The following TTC28 variants were observed in gnomAD, a reference collection of about 807,000 sequenced individuals.
TTC28 encodes the protein tetratricopeptide repeat domain 28.
TTC28 carries 61 observed loss-of-function variants against 198.0 expected under a neutral mutation model. The observed-to-expected ratio is 0.31, with a 90% CI of 0.25 to 0.38. The LOEUF is 0.38. Ranked by LOEUF, TTC28 falls within the 10% of genes least tolerant of loss-of-function variation. The pLI, the probability that TTC28 is intolerant of heterozygous loss-of-function variation, is 1.00. For missense variants in TTC28, 2,678 were observed against 3,164.0 expected (o/e 0.85, Z 3.69); for synonymous variants, 1,171 against 1,297.8 (o/e 0.90, Z 2.10).
chr22:28,634,614 C>A (rs1366584681), intron 1 of TTC28, among the ~76,000 whole-genome samples: 3 of 143,672 alleles, frequency 2.1e-5, no homozygotes, highest in Non-Finnish European at 3.0e-5. Flanking sequence ...GAGATGGAGT[C>A]TCACTCTGTT....
At chr22:28,641,578 T>C (rs1412887303) in intron 1 of TTC28, among the ~76,000 whole-genome samples, 1 of 152,160 alleles carries the variant, frequency 6.6e-6, no homozygotes, top group East Asian at 1.9e-4. Context: ...TGTTCTAGAA[T>C]TAGATAGTGG....
At chr22:28,033,595 A>G (rs529529672) in intron 12 of TTC28, among the ~76,000 whole-genome samples, 47 of 152,236 alleles carry the variant, frequency 3.1e-4, no homozygotes, top group Non-Finnish European at 5.0e-4. Context: ...TTTTACTCCA[A>G]TCTCTACTAG....
intron 17 of TTC28, chr22:27,994,394 ATGAGGCACATGTGCCCTC>A (rs1937512762): frequency 6.6e-6 from 1 of 150,770 alleles, no homozygotes; most frequent in Non-Finnish European, 1.5e-5. Context: ...TGGGTGCCCT[ATGAGGCACATGTGCCCTC>A]ACCGGAGGGG....
chr22:28,450,770 T>C (rs1034885045), intron 2 of TTC28, among the ~76,000 whole-genome samples: 3 of 152,196 alleles, frequency 2.0e-5, no homozygotes, highest in African/African-American at 7.2e-5. Flanking sequence ...CTAGGCTTAC[T>C]TTCCTAACAT....
intron 6 of TTC28, among the ~76,000 whole-genome samples, chr22:28,110,372 A>G (rs1304859152): frequency 6.6e-6 from 1 of 152,250 alleles, no homozygotes; most frequent in African/African-American, 2.4e-5. Context: ...AATGAGAAAA[A>G]TAATAAACAT....
At chr22:28,016,543 G>A (rs1446166687) in intron 13 of TTC28, among the ~76,000 whole-genome samples, 1 of 152,150 alleles carries the variant, frequency 6.6e-6, no homozygotes, top group Admixed American at 6.5e-5. Context: ...CTAGATGATG[G>A]CCTGGACTAT....
At chr22:28,527,920 CCAT>C (rs1471621736) in intron 2 of TTC28, among the ~76,000 whole-genome samples, 2 of 152,198 alleles carry the variant, frequency 1.3e-5, no homozygotes, top group African/African-American at 2.4e-5. Context: ...GCCGCCACCA[CCAT>C]GACATAGCAG....
intron 2 of TTC28, among the ~76,000 whole-genome samples, chr22:28,418,206 G>A (rs2047195184): frequency 6.6e-6 from 1 of 152,136 alleles, no homozygotes; most frequent in Admixed American, 6.5e-5. Context: ...CAGCAAAGCT[G>A]TGTCTTCAGC....
At chr22:28,166,858 C>A (rs756108454) in intron 5 of TTC28, among the ~76,000 whole-genome samples, 9 of 151,986 alleles carry the variant, frequency 5.9e-5, no homozygotes, top group Non-Finnish European at 1.2e-4. Flanking sequence ...CACAAAAAAC[C>A]CTTCAAAACA....
chr22:28,544,090 G>A (rs1020056742), intron 2 of TTC28, among the ~76,000 whole-genome samples: 18 of 151,942 alleles, frequency 1.2e-4, no homozygotes, highest in African/African-American at 9.7e-5. Flanking sequence ...GCGTGGTGGC[G>A]GGCACCTGTA....
At chr22:28,494,294 A>T (rs1026744774) in intron 2 of TTC28, among the ~76,000 whole-genome samples, 1 of 152,186 alleles carries the variant, frequency 6.6e-6, no homozygotes, top group Non-Finnish European at 1.5e-5. Flanking sequence ...GAGCTGTTAC[A>T]ATAATTAACT....
chr22:28,571,114 T>C (rs2050053215), intron 2 of TTC28, among the ~76,000 whole-genome samples: 1 of 152,214 alleles, frequency 6.6e-6, no homozygotes, highest in Non-Finnish European at 1.5e-5. Context: ...AATAGGTCAA[T>C]GCTCATAAAA....
intron 2 of TTC28, among the ~76,000 whole-genome samples, chr22:28,511,444 T>C (rs764049794): frequency 2.0e-5 from 3 of 152,082 alleles, no homozygotes; most frequent in Non-Finnish European, 4.4e-5. Context: ...CTGGGAGAAA[T>C]GGCTAGCCAT....
intron 2 of TTC28, among the ~76,000 whole-genome samples, chr22:28,362,327 TA>T (rs2046172271): frequency 6.6e-6 from 1 of 152,172 alleles, no homozygotes; most frequent in South Asian, 2.1e-4. Flanking sequence ...GTCATCCGTG[TA>T]AGATGTGACT....
intron 5 of TTC28, among the ~76,000 whole-genome samples, chr22:28,165,479 CA>C (rs1173709213): frequency 4.7e-5 from 7 of 150,456 alleles, no homozygotes; most frequent in African/African-American, 1.7e-4. Context: ...CAGCTGATCT[CA>C]GGACAGAAAC....
rs71194765 is a variant in TTC28 at position 28,401,192 on chromosome 22, G to GGGAGGAGGAGGA, written c.382-94561_382-94550dup. On this transcript the variant is annotated intron_variant, in intron 2 of 22. Coordinates refer to ENST00000397906, the MANE Select transcript of TTC28 (RefSeq NM_001145418.2). Reference sequence around the variant, plus strand: ...AGAGGAGGAGAAGGAAAAGGAGGGGGGGAGGAGGAGGAGGATGACGATGAC... The same window carrying GGGAGGAGGAGGA: ...AGAGGAGGAGAAGGAAAAGGAGGGGGGGAGGAGGAGGAGGAGGAGGAGGAGGATGACGATGAC... Among the ~76,000 whole-genome samples, 1,461 of 151,726 alleles carry GGGAGGAGGAGGA rather than the reference G, an allele frequency of 9.6e-3. 25 individuals carry two copies. Among genetic ancestry groups the GGGAGGAGGAGGA allele is most frequent in the African/African-American group, 0.033 (1,363 of 41,312 alleles).
At chr22:28,224,501 ACCT>A (rs917591137) in intron 5 of TTC28, among the ~76,000 whole-genome samples, 1 of 152,028 alleles carries the variant, frequency 6.6e-6, no homozygotes, top group Admixed American at 6.6e-5. Context: ...CAGTCAAATA[ACCT>A]CTCAAGAATT....
chr22:28,158,189 T>C (rs567960321), intron 6 of TTC28, among the ~76,000 whole-genome samples: 8 of 152,054 alleles, frequency 5.3e-5, no homozygotes, highest in Non-Finnish European at 1.2e-4. Flanking sequence ...ATTAAATGCC[T>C]AGGAATTAAC....
intron 2 of TTC28, among the ~76,000 whole-genome samples, chr22:28,623,045 A>C (rs564062122): frequency 1.3e-5 from 2 of 151,964 alleles, no homozygotes; most frequent in African/African-American, 4.8e-5. Flanking sequence ...CTGGTCTCGA[A>C]CTCCTAACCT....
Sources: allele counts gnomAD v4.1 joint callset (sites outside exome capture counted in the v4.1 genomes callset), GRCh38; gene constraint gnomAD v4.1.1; transcripts MANE v1.5; gene names NCBI Gene and HGNC (gene_info 2026-07-23, HGNC 2026-07-21).